Variants in LGR4 observed in about 807,000 individuals in gnomAD.
LGR4 encodes the protein leucine-rich repeat-containing G protein-coupled receptor 4.
In LGR4, 44 loss-of-function variants were observed where a neutral mutation model predicts 84.8. The observed-to-expected ratio is 0.52, with a 90% CI of 0.41 to 0.67. The LOEUF (loss-of-function observed/expected upper bound fraction) is 0.67. LGR4 is among the 30% of genes least tolerant of loss of function. The probability of loss-of-function intolerance (pLI) is 0.00; values close to 1 mark genes in which losing one functional copy is unlikely to be tolerated. For synonymous variants in LGR4, 429 were observed against 434.3 expected (o/e 0.99, Z 0.15); for missense variants, 1,032 against 1,131.4 (o/e 0.91, Z 1.26).
intron 1 of LGR4, among the ~76,000 whole-genome samples, chr11:27,433,638 C>T (rs963446571): frequency 1.3e-5 from 2 of 152,054 alleles, no homozygotes; most frequent in Non-Finnish European, 2.9e-5. Context: ...ATCATGTAAG[C>T]GGCTGGAATT....
chr11:27,402,259 T>C (rs1380957468), intron 2 of LGR4, among the ~76,000 whole-genome samples: 1 of 152,106 alleles, frequency 6.6e-6, no homozygotes, highest in Admixed American at 6.6e-5. Flanking sequence ...AGAGGAAGTT[T>C]ACTAGGGATT....
intron 6 of LGR4, 145 bp from the exon 7 acceptor site, chr11:27,382,401 T>C: frequency 1.7e-6 from 1 of 593,458 alleles, no homozygotes; most frequent in Non-Finnish European, 3.0e-6. Context: ...TTCAAAACCA[T>C]GTAGGAGTTT....
intron 1 of LGR4, among the ~76,000 whole-genome samples, chr11:27,470,068 T>C (rs894869242): frequency 6.6e-6 from 1 of 152,176 alleles, no homozygotes; most frequent in Admixed American, 6.6e-5. Context: ...GTCACCAGAA[T>C]GTACGATCAC....
At chr11:27,418,371 C>T (rs908265766) in intron 1 of LGR4, among the ~76,000 whole-genome samples, 3 of 152,210 alleles carry the variant, frequency 2.0e-5, no homozygotes, top group Non-Finnish European at 2.9e-5. Flanking sequence ...TTTGACCCTA[C>T]ATGTTTTAGC....
At chr11:27,470,351 A>G (rs1246577622) in intron 1 of LGR4, among the ~76,000 whole-genome samples, 1 of 152,208 alleles carries the variant, frequency 6.6e-6, no homozygotes, top group Non-Finnish European at 1.5e-5. Flanking sequence ...TTTAGATACT[A>G]ATGTAAAACA....
chr11:27,466,936 A>C (rs1730397864), intron 1 of LGR4, among the ~76,000 whole-genome samples: 2 of 151,916 alleles, frequency 1.3e-5, no homozygotes, highest in Non-Finnish European at 2.9e-5. Context: ...GGCGTGCACC[A>C]CCACGCCCGG....
At chr11:27,471,226 T>C (rs912220108) in intron 1 of LGR4, among the ~76,000 whole-genome samples, 1 of 152,204 alleles carries the variant, frequency 6.6e-6, no homozygotes, top group Non-Finnish European at 1.5e-5. Context: ...GGCAGGGCGA[T>C]TTTGTAAGTC....
chr11:27,466,766 G>T (rs1268492739), intron 1 of LGR4, among the ~76,000 whole-genome samples: 1 of 152,086 alleles, frequency 6.6e-6, no homozygotes, highest in Non-Finnish European at 1.5e-5. Context: ...CTAAGTGAGA[G>T]AATTACTGGT....
chr11:27,427,363 G>C (rs542546129), intron 1 of LGR4, among the ~76,000 whole-genome samples: 7 of 152,260 alleles, frequency 4.6e-5, no homozygotes, highest in South Asian at 2.1e-4. Flanking sequence ...CCTCCGAAAC[G>C]AAAGAACAGC....
rs555903402 is a variant in LGR4 at position 27,437,009 on chromosome 11, C to CA, written c.186-24150dup. ...TTTGGTTACTAACTAGTTTTAATTT[C>CA]AAAAAATCCCCCCTTCCATTTTACT... On this transcript the variant is annotated intron_variant, in intron 1 of 17. Transcript: ENST00000379214. Among the ~76,000 whole-genome samples the CA allele has an allele frequency of 3.3e-5, 5 of 152,178 alleles. No homozygotes were observed. The South Asian group carries it at 8.3e-4, about 25-fold the overall frequency.
chr11:27,402,864 T>A (rs1487371043), intron 2 of LGR4, among the ~76,000 whole-genome samples: 1 of 152,140 alleles, frequency 6.6e-6, no homozygotes, highest in African/African-American at 2.4e-5. Context: ...CAGTACACAG[T>A]CATCTAGTGA....
At chr11:27,447,365 C>A (rs1252458239) in intron 1 of LGR4, among the ~76,000 whole-genome samples, 1 of 152,174 alleles carries the variant, frequency 6.6e-6, no homozygotes, top group Non-Finnish European at 1.5e-5. Context: ...GACATCCTCA[C>A]TGCTCATTAT....
At chr11:27,453,744 A>G (rs1444628721) in intron 1 of LGR4, among the ~76,000 whole-genome samples, 2 of 152,208 alleles carry the variant, frequency 1.3e-5, no homozygotes, top group Non-Finnish European at 2.9e-5. Context: ...TTATTATCTC[A>G]GTAAGTAATT....
chr11:27,427,428 A>C (rs1864042935), intron 1 of LGR4, among the ~76,000 whole-genome samples: 1 of 152,202 alleles, frequency 6.6e-6, no homozygotes, highest in African/African-American at 2.4e-5. Flanking sequence ...GCAAGTAGAC[A>C]AGTATGGCTG....
intron 2 of LGR4, 50 bp downstream of exon 2, chr11:27,412,739 A>G: frequency 1.8e-6 from 2 of 1,116,434 alleles, no homozygotes; most frequent in Non-Finnish European, 2.7e-6. Flanking sequence ...AGCTTCCAAA[A>G]TGAATTGGGG....
intron 16 of LGR4, among the ~76,000 whole-genome samples, chr11:27,371,960 G>T (rs949943279): frequency 1.3e-5 from 2 of 152,052 alleles, no homozygotes; most frequent in African/African-American, 4.8e-5. Flanking sequence ...CCTGGGCTCC[G>T]CTCAAAGGAT....
At chr11:27,396,296 A>C (rs1863390983) in intron 2 of LGR4, among the ~76,000 whole-genome samples, 1 of 152,204 alleles carries the variant, frequency 6.6e-6, no homozygotes, top group African/African-American at 2.4e-5. Flanking sequence ...TCTGAGTATC[A>C]ATAGATGTCA....
chr11:27,367,827 G>A lies in LGR4; in HGVS notation c.*40C>T, dbSNP rs761850150. On this transcript the variant is annotated 3_prime_UTR_variant, in exon 18 of 18. Coordinates refer to ENST00000379214, the MANE Select transcript of LGR4 (RefSeq NM_018490.5). ...GAATAGGGTTCACTCTATAAACACT[G>A]ATTTTGGTTGACGGGGGAAACGGTT... 6 of 1,448,734 alleles carry A rather than the reference G, an allele frequency of 4.1e-6. No homozygotes were observed. In the South Asian group the frequency reaches 6.7e-5, roughly 16 times the overall value. 89.7% of individuals were successfully genotyped at this position (1,448,734 alleles called of 1,614,324 possible). A position where few individuals can be genotyped will look rare whatever the true frequency, so the allele number is the denominator to read the frequency against.
intron 1 of LGR4, among the ~76,000 whole-genome samples, chr11:27,433,397 C>CTT (rs11296973): frequency 2.8e-5 from 4 of 142,772 alleles, no homozygotes; most frequent in Non-Finnish European, 3.0e-5. Flanking sequence ...ATTTTTATTT[C>CTT]TTTTTTTTTT....
Sources: allele counts gnomAD v4.1 joint callset (sites outside exome capture counted in the v4.1 genomes callset), GRCh38; gene constraint gnomAD v4.1.1; transcripts MANE v1.5; gene names NCBI Gene and HGNC (gene_info 2026-07-23, HGNC 2026-07-21).